The following PIGO variants were observed in gnomAD, a reference collection of about 807,000 sequenced individuals.
The protein encoded by PIGO is GPI ethanolamine phosphate transferase 3, catalytic subunit.
Under a neutral mutation model 86.9 loss-of-function variants are expected in PIGO, and 66 were observed. The observed-to-expected ratio is 0.76, with a 90% CI of 0.62 to 0.93. PIGO has a LOEUF of 0.93. PIGO is among the 40% of genes least tolerant of loss of function. The probability of loss-of-function intolerance (pLI) is 0.00; values close to 1 mark genes in which losing one functional copy is unlikely to be tolerated. For missense variants in PIGO, 1,202 were observed against 1,359.1 expected (o/e 0.88, Z 1.82); for synonymous variants, 570 against 556.4 (o/e 1.02, Z -0.34).
Position 35,095,252 on chromosome 9 carries a change from C to A in PIGO, c.314G>T (p.Ser105Ile). The A allele has an allele frequency of 1.2e-6, 2 of 1,614,156 alleles. No individual in the cohort carries two copies. Among genetic ancestry groups the A allele is most frequent in the Non-Finnish European group, 1.7e-6 (2 of 1,180,024 alleles). Residue 105 changes from serine (S) to isoleucine (I), a missense_variant, in exon 2 of 11, where the codon AGC becomes ATC. Physicochemically the swap from Ser to Ile is moderately radical, Grantham distance 142. Transcript: ENST00000378617. ...PVSLPFLGKLSSLQRILEIQP... is the reference protein window; with the variant it reads ...PVSLPFLGKLISLQRILEIQP... Reference sequence around the variant, plus strand: ...AATCTCCAGGATCCTCTGCAAGGAGCTTAGTTTGCCCAGGAAGGGTAGGGA... The same window carrying A: ...AATCTCCAGGATCCTCTGCAAGGAGATTAGTTTGCCCAGGAAGGGTAGGGA...
chr9:35,089,793 C>T (rs1829330342), intron 9 of PIGO: 3 of 1,393,574 alleles, frequency 2.2e-6, no homozygotes, highest in South Asian at 3.2e-5. Context: ...GCTATCACCT[C>T]AGTTTTTCCA....
chr9:35,093,519 T>A lies in PIGO; in HGVS notation c.841A>T (p.Thr281Ser). 1 of 1,614,062 alleles carries A rather than the reference T, an allele frequency of 6.2e-7. No homozygotes were observed. Among genetic ancestry groups the A allele is most frequent in the Non-Finnish European group, 8.5e-7 (1 of 1,179,994 alleles). ...LLVVAGDHGM[T>S]TNGDHGGDSE... ...TCCCCTCCATGGTCTCCATTTGTGG[T>A]CATCCCATGGTCCCCAGCCACTACC... The change falls in exon 5 of 11, where the codon ACC (threonine) becomes TCC (serine). Residue 281 changes from threonine (T) to serine (S), a missense_variant. Coordinates refer to ENST00000378617, the MANE Select transcript of PIGO (RefSeq NM_032634.4).
At chr9:35,090,783 C>T (rs1170206266) in intron 7 of PIGO, 111 bp from the exon 8 acceptor site, 1 of 1,097,430 alleles carries the variant, frequency 9.1e-7, no homozygotes. Flanking sequence ...CATACACACT[C>T]AAATGCCTAT....
chr9:35,095,387 G>C lies in PIGO; in HGVS notation c.179C>G (p.Ala60Gly), dbSNP rs1044209492. ...LPWGSQGKPG[A>G]CWMASRFSRV... ...CGAAAATCGGGAAGCCATCCAGCAGGCCCCAGGTTTCCCTTGGCTCCCCCA... is the reference window on the plus strand; with the variant it reads ...CGAAAATCGGGAAGCCATCCAGCAGCCCCCAGGTTTCCCTTGGCTCCCCCA... The change falls in exon 2 of 11, where the codon GCC becomes GGC. Residue 60 changes from alanine (A) to glycine (G), a missense_variant. Transcript: ENST00000378617. 1.2e-6 allele frequency: 2 copies of C among 1,614,138 alleles called. No homozygotes were observed. The highest frequency in any genetic ancestry group is 1.7e-6 in the Non-Finnish European group (2 of 1,180,032).
In PIGO at chr9:35,094,921, C is replaced by T. The variant is rs1001200895; in HGVS notation, c.511+134G>A. The T allele has an allele frequency of 1.6e-5, 20 of 1,260,592 alleles. No individual in the cohort carries two copies. In the South Asian group the frequency reaches 3.0e-4, roughly 19 times the overall value. The allele number at this position is 1,260,592 out of a possible 1,614,324, so 78.1% of individuals were successfully genotyped here. A position where few individuals can be genotyped will look rare whatever the true frequency, so the allele number is the denominator to read the frequency against. ...GAGCTCCCTACCAGCAGGGCCCTGG[C>T]CTCTTTCTTCTCCTCTGTCCCCCTA... On this transcript the variant is annotated intron_variant, in intron 2 of 10. Coordinates refer to ENST00000378617, the MANE Select transcript of PIGO (RefSeq NM_032634.4).
chr9:35,094,366 G>T lies in PIGO; in HGVS notation c.512-7C>A. 1 of 1,596,410 alleles carries T rather than the reference G, an allele frequency of 6.3e-7. No homozygotes were observed. Among genetic ancestry groups the T allele is most frequent in the East Asian group, 2.2e-5 (1 of 44,622 alleles). ...ATGAAGACTACACGCCTTCCTGCAGGGACATGAAAGAGAAGTCAGAGCCTG... is the reference window on the plus strand; with the variant it reads ...ATGAAGACTACACGCCTTCCTGCAGTGACATGAAAGAGAAGTCAGAGCCTG... On this transcript the variant is annotated splice_polypyrimidine_tract_variant and splice_region_variant and intron_variant, in intron 2 of 10. Transcript: ENST00000378617.
chr9:35,092,639 C>G lies in PIGO; in HGVS notation c.1248G>C (p.Gly416=), dbSNP rs575263117. 1 of 1,614,244 alleles carries G rather than the reference C, an allele frequency of 6.2e-7. No homozygotes were observed. ...DYQWLLQSPK[G]AEATLPTVIA... is the part of the protein sequence containing the mutation. Reference sequence around the variant, plus strand: ...TCACAGTCGGCAGTGTCGCCTCAGCCCCCTTGGGGCTCTGGAGAAGCCACT... The same window carrying G: ...TCACAGTCGGCAGTGTCGCCTCAGCGCCCTTGGGGCTCTGGAGAAGCCACT... Residue 416 remains glycine, a synonymous_variant, in exon 7 of 11, where the codon GGG becomes GGC. Transcript: ENST00000378617.
At position 35,093,449 on chromosome 9, in the gene PIGO, G is replaced by C. The variant is rs1425696450; in HGVS notation, c.911C>G (p.Thr304Arg). The change falls in exon 5 of 11, where the codon ACA becomes AGA. Residue 304 changes from threonine (T) to arginine (R), a missense_variant. Coordinates refer to ENST00000378617, the MANE Select transcript of PIGO (RefSeq NM_032634.4). ...VSAALFLYSP[T>R]AVFPSTPPEE... ...TGGTGGGGTGCTGGGGAAGACTGCT[G>C]TGGGGCTATACAGAAAGAGAGCAGC... is the stretch of plus-strand genomic sequence containing the variant. 6.2e-7 allele frequency: 1 copy of C among 1,614,188 alleles called. No homozygotes were observed.
At chr9:35,093,844 G>A in intron 4 of PIGO, 57 bp downstream of exon 4, 2 of 1,595,224 alleles carry the variant, frequency 1.3e-6, no homozygotes, top group Admixed American at 1.7e-5. Context: ...TAAGATAAGA[G>A]CTTCTTCGAG....
In PIGO at chr9:35,091,801, T is replaced by C. The variant is rs755338876; in HGVS notation, c.2086A>G (p.Ser696Gly). 1.9e-6 allele frequency: 3 copies of C among 1,613,102 alleles called. No homozygotes were observed. The African/African-American group carries it at 4.0e-5, about 22-fold the overall frequency. Residue 696 changes from serine to glycine, a missense_variant, in exon 7 of 11, where the codon AGC becomes GGC. Physicochemically the swap from Ser to Gly is moderately conservative, Grantham distance 56. Transcript: ENST00000378617. ...ACAAAGAGCATGGGTGGCTCGGGGCTCTTGAGATTACCATAGCGGCGAAGC... is the reference window on the plus strand; with the variant it reads ...ACAAAGAGCATGGGTGGCTCGGGGCCCTTGAGATTACCATAGCGGCGAAGC... ...LWLRRYGNLK[S>G]PEPPMLFVRW...
rs1192845302 is a variant in PIGO at position 35,091,570 on chromosome 9, C to T, written c.2317G>A (p.Ala773Thr). ...VTVLVKAGAG[A>T]PRTRTVLTPF... ...GTGAGGACAGTCCTGGTCCTTGGAG[C>T]GCCTGCCCCAGCCTTCACCAGCACT... is the stretch of plus-strand genomic sequence containing the variant. Residue 773 changes from alanine to threonine, a missense_variant, in exon 7 of 11, where the codon GCT becomes ACT. Transcript: ENST00000378617. 3 of 1,613,892 alleles carry T rather than the reference C, an allele frequency of 1.9e-6. No homozygotes were observed. Among genetic ancestry groups the T allele is most frequent in the Non-Finnish European group, 2.5e-6 (3 of 1,180,024 alleles).
rs770794433 is a variant in PIGO, at chr9:35,092,583, G to A, written c.1304C>T (p.Ala435Val). ...CCAAGACTCGATGCACATGGCCCGA[G>A]CTCCCCGCAGGAACTGCTGCAGCTC... is the stretch of plus-strand genomic sequence containing the variant. ...IAELQQFLRG[A>V]RAMCIESWAR... Residue 435 changes from alanine to valine, a missense_variant, in exon 7 of 11, where the codon GCT (alanine) becomes GTT (valine). Transcript: ENST00000378617. 2 of 1,614,256 alleles carry A rather than the reference G, an allele frequency of 1.2e-6. No individual in the cohort carries two copies. The highest frequency in any genetic ancestry group is 1.7e-5 in the Admixed American group (1 of 60,036).
In PIGO at chr9:35,091,773, C is replaced by T. The variant is rs761836966; in HGVS notation, c.2114G>A (p.Arg705His). ...KSPEPPMLFV[R>H]WGLPLMALGT... is the part of the protein sequence containing the mutation. ...CAATGCCATTAGGGGCAGTCCCCAGCGCACAAAGAGCATGGGTGGCTCGGG... is the reference window on the plus strand; with the variant it reads ...CAATGCCATTAGGGGCAGTCCCCAGTGCACAAAGAGCATGGGTGGCTCGGG... Residue 705 changes from arginine (R) to histidine (H), a missense_variant, in exon 7 of 11, where the codon CGC becomes CAC. By Grantham distance (29) the Arg-to-His change is conservative (BLOSUM62 0). Coordinates refer to ENST00000378617, the MANE Select transcript of PIGO (RefSeq NM_032634.4). 7.4e-6 allele frequency: 12 copies of T among 1,612,330 alleles called. No homozygotes were observed. The highest frequency in any genetic ancestry group is 1.6e-4 in the Middle Eastern group (1 of 6,062).
chr9:35,089,303 G>C, intron 10 of PIGO, 77 bp downstream of exon 10: 2 of 1,613,214 alleles, frequency 1.2e-6, no homozygotes, highest in Non-Finnish European at 1.7e-6. Flanking sequence ...TGGCCATCCT[G>C]GATGTTTAGG....
intron 4 of PIGO, 160 bp from the exon 5 acceptor site, chr9:35,093,740 C>T (rs997498348): frequency 1.4e-6 from 2 of 1,434,540 alleles, no homozygotes; most frequent in Non-Finnish European, 1.9e-6. Context: ...GATCCTGATG[C>T]CCAAAGCTAC....
At position 35,092,683 on chromosome 9, in the gene PIGO, TGGA is replaced by T. The variant is rs1563998529; in HGVS notation, c.1201_1203del (p.Ser401del). On this transcript the variant is annotated inframe_deletion, in exon 7 of 11. Coordinates refer to ENST00000378617, the MANE Select transcript of PIGO (RefSeq NM_032634.4). ...AGCCACTGGTAGTCAGCAGAGGCCT[TGGA>T]GAAGAGGTTCTGCAGCTGATGAAGC... 6.2e-7 allele frequency: 1 copy of T among 1,614,160 alleles called. No homozygotes were observed. Among genetic ancestry groups the T allele is most frequent in the Non-Finnish European group, 8.5e-7 (1 of 1,180,042 alleles).
intron 1 of PIGO, 194 bp from the exon 2 acceptor site, chr9:35,095,760 TCCCAGCA>T (rs1564002929): frequency 1.3e-6 from 1 of 752,778 alleles, no homozygotes; most frequent in Non-Finnish European, 2.0e-6. Flanking sequence ...ACGCCTGTAA[TCCCAGCA>T]CTTTGGGAGG....
rs1237902622 is a variant in PIGO, at chr9:35,091,588, C to T, written c.2299G>A (p.Val767Met). Residue 767 changes from valine to methionine, a missense_variant, in exon 7 of 11, where the codon GTG becomes ATG. Physicochemically the swap from Val to Met is conservative, Grantham distance 21. Transcript: ENST00000378617. ...CTTGGAGCGCCTGCCCCAGCCTTCA[C>T]CAGCACTGTCACAGGCTTCCAGAGC... ...LLLWKPVTVL[V>M]KAGAGAPRTR... 1 of 1,613,990 alleles carries T rather than the reference C, an allele frequency of 6.2e-7. No individual in the cohort carries two copies. Among genetic ancestry groups the T allele is most frequent in the Non-Finnish European group, 8.5e-7 (1 of 1,180,024 alleles).
chr9:35,091,523 A>G lies in PIGO; in HGVS notation c.2364T>C (p.Thr788=), dbSNP rs571101716. ...TVLTPFSGPP[T]SQADLDYVVP... is the part of the protein sequence containing the mutation. ...CCACATAATCCAAGTCAGCTTGAGA[A>G]GTGGGGGGGCCTGAGAAGGGAGTGA... is the stretch of plus-strand genomic sequence containing the variant. Residue 788 remains threonine, a synonymous_variant, in exon 7 of 11, where the codon ACT becomes ACC. Coordinates refer to ENST00000378617, the MANE Select transcript of PIGO (RefSeq NM_032634.4). 1.2e-6 allele frequency: 2 copies of G among 1,614,068 alleles called. No homozygotes were observed. The highest frequency in any genetic ancestry group is 1.7e-5 in the Admixed American group (1 of 60,004).
Sources: gnomAD v4.1 joint callset for allele counts on GRCh38, gnomAD v4.1.1 for gene constraint, MANE v1.5 for transcripts, NCBI Gene and HGNC (gene_info 2026-07-23, HGNC 2026-07-21) for gene names.